The following MTCH1 variants were observed in gnomAD, a reference collection of about 807,000 sequenced individuals.
MTCH1 encodes the protein mitochondrial carrier homolog 1.
MTCH1 carries 23 observed loss-of-function variants against 49.3 expected under a neutral mutation model. That is an observed-to-expected ratio of 0.47 (90% CI 0.34 to 0.66). The LOEUF (loss-of-function observed/expected upper bound fraction) is 0.66. MTCH1 is among the 30% of genes least tolerant of loss of function. The pLI, the probability that MTCH1 is intolerant of heterozygous loss-of-function variation, is 0.01. For synonymous variants in MTCH1, 229 were observed against 215.2 expected, an observed-to-expected ratio of 1.06 and a Z score of -0.56; for missense variants, 397 against 532.1, an observed-to-expected ratio of 0.75 and a Z score of 2.50.
intron 2 of MTCH1, among the ~76,000 whole-genome samples, chr6:36,980,586 G>C (rs535445296): frequency 6.6e-6 from 1 of 152,332 alleles, no homozygotes; most frequent in East Asian, 1.9e-4. Flanking sequence ...GACAAAACTG[G>C]AAGAGAAATA....
chr6:36,977,069 A>C lies in MTCH1; in HGVS notation c.701+130T>G, dbSNP rs1763905172. 1.1e-6 allele frequency: 1 copy of C among 926,996 alleles called. No individual in the cohort carries two copies. Among genetic ancestry groups the C allele is most frequent in the South Asian group, 1.4e-5 (1 of 70,190 alleles). 57.4% of individuals were successfully genotyped at this position (926,996 alleles called of 1,614,324 possible). Reference sequence around the variant, plus strand: ...TGAAGCCACTGCCACATTCCTCAGAAGCCAGGCAGCAGGCTGAACTCACAC... The same window carrying C: ...TGAAGCCACTGCCACATTCCTCAGACGCCAGGCAGCAGGCTGAACTCACAC... On this transcript the variant is annotated intron_variant, in intron 6 of 11. Coordinates refer to ENST00000373627, the MANE Select transcript of MTCH1 (RefSeq NM_001271641.2). The surrounding 1 kb of genome is among the most constrained non-coding windows in gnomAD (Gnocchi z 5.4).
At chr6:36,969,520 G>A (rs961962435) in intron 11 of MTCH1, 8 of 1,105,044 alleles carry the variant, frequency 7.2e-6, no homozygotes, top group East Asian at 7.2e-5. Flanking sequence ...AGGTAGCTTC[G>A]GTACAGAACA....
Position 36,981,651 on chromosome 6 carries a change from G to T in MTCH1, c.343C>A (p.Pro115Thr). 1 of 1,613,622 alleles carries T rather than the reference G, an allele frequency of 6.2e-7. No homozygotes were observed. Among genetic ancestry groups the T allele is most frequent in the Non-Finnish European group, 8.5e-7 (1 of 1,179,756 alleles). Reference sequence around the variant, plus strand: ...CCCAGCACATTGGTCCCAAGGGTGGGGGGCATCGGCTCATGACCCACCTTC... The same window carrying T: ...CCCAGCACATTGGTCCCAAGGGTGGTGGGCATCGGCTCATGACCCACCTTC... ...LIQVGHEPMPPTLGTNVLGRK... is the reference protein window; with the variant it reads ...LIQVGHEPMPTTLGTNVLGRK... Residue 115 changes from proline (P) to threonine (T), a missense_variant, in exon 2 of 12, where the codon CCC becomes ACC. Pro to Thr is a conservative substitution (Grantham distance 38). Transcript: ENST00000373627.
chr6:36,978,281 AG>A, intron 3 of MTCH1, 126 bp from the exon 4 acceptor site: 4 of 930,828 alleles, frequency 4.3e-6, no homozygotes, highest in Non-Finnish European at 6.7e-6. Flanking sequence ...GGCCCACCTC[AG>A]GTAACCTCCA....
chr6:36,983,029 T>G (rs988010857), intron 1 of MTCH1, among the ~76,000 whole-genome samples: 1 of 152,280 alleles, frequency 6.6e-6, no homozygotes, highest in South Asian at 2.1e-4. Flanking sequence ...CAGTGCTTTT[T>G]GGGATCAACC....
chr6:36,976,101 C>T (rs1454634570), intron 6 of MTCH1, among the ~76,000 whole-genome samples: 1 of 152,170 alleles, frequency 6.6e-6, no homozygotes, highest in Non-Finnish European at 1.5e-5. Flanking sequence ...GCAGAGGAGC[C>T]CACAGGCCCG....
chr6:36,986,037 G>C lies in MTCH1; in HGVS notation c.137C>G (p.Ala46Gly). ...AGGGTGGCGAGGATGTGCGCGGTGC[G>C]CGGGCGGTGGATCGCGAGCTCGAGC... ...VEARARDPPPAHRAHPRHPRP... is the reference protein window; with the variant it reads ...VEARARDPPPGHRAHPRHPRP... Residue 46 changes from alanine to glycine, a missense_variant, in exon 1 of 12, where the codon GCG becomes GGG. Around this residue, in one of 2 missense-constraint regions of MTCH1, gnomAD observed 145 missense variants for 143.8 expected, o/e 1.01. Transcript: ENST00000373627. 1 of 1,494,372 alleles carries C rather than the reference G, an allele frequency of 6.7e-7. No homozygotes were observed. Among genetic ancestry groups the C allele is most frequent in the Non-Finnish European group, 8.9e-7 (1 of 1,128,536 alleles). The allele number at this position is 1,494,372 out of a possible 1,614,324, so 92.6% of individuals were successfully genotyped here. A position where few individuals can be genotyped will look rare whatever the true frequency, so the allele number is the denominator to read the frequency against.
rs934850978 is a variant in MTCH1, at chr6:36,983,870, C to G, written c.321+1983G>C. On this transcript the variant is annotated intron_variant, in intron 1 of 11. Transcript: ENST00000373627. Reference sequence around the variant, plus strand: ...AACTATACCCATTGAAGATCTTACCCTAATATATGTTACACTCAACACCAG... The same window carrying G: ...AACTATACCCATTGAAGATCTTACCGTAATATATGTTACACTCAACACCAG... Among the ~76,000 whole-genome samples, 31 of 152,156 alleles carry G rather than the reference C, an allele frequency of 2.0e-4. 1 individual carries two copies. Among genetic ancestry groups the G allele is most frequent in the Admixed American group, 1.3e-4 (2 of 15,284 alleles).
chr6:36,969,371 G>A, intron 11 of MTCH1: 10 of 1,077,760 alleles, frequency 9.3e-6, no homozygotes, highest in Non-Finnish European at 1.1e-5. Context: ...CAGCCTCGAG[G>A]CCACTCAGAG....
Position 36,972,520 on chromosome 6 carries a change from C to T in MTCH1, c.906+132G>A. ...CCGTTCTCCCCTTAGACAAAGATGA[C>T]TCCAGGGATAATGAGAGGTCCTCTC... On this transcript the variant is annotated intron_variant, in intron 8 of 11. Transcript: ENST00000373627. The surrounding 1 kb of genome is among the most constrained non-coding windows in gnomAD (Gnocchi z 4.1). 1 of 1,127,360 alleles carries T rather than the reference C, an allele frequency of 8.9e-7. No individual in the cohort carries two copies. The highest frequency in any genetic ancestry group is 1.2e-6 in the Non-Finnish European group (1 of 815,720). 69.8% of individuals were successfully genotyped at this position (1,127,360 alleles called of 1,614,324 possible).
rs1206771625 is a variant in MTCH1, at chr6:36,985,950, C to T, written c.224G>A (p.Gly75Glu). Residue 75 changes from glycine (G) to glutamate (E), a missense_variant, in exon 1 of 12, where the codon GGG becomes GAG. Gly to Glu is a moderately conservative substitution (Grantham distance 98, BLOSUM62 -2). Around this residue, in one of 2 missense-constraint regions of MTCH1, gnomAD observed 145 missense variants for 143.8 expected, o/e 1.01. Transcript: ENST00000373627. The part of the protein sequence containing the change: ...MDGGSGGLGS[G>E]DNAPTTEALF... ...AGCCTCAGTGGTCGGGGCGTTGTCC[C>T]CAGACCCCAGGCCCCCTGACCCGCC... is the stretch of plus-strand genomic sequence containing the variant. 1 of 1,551,270 alleles carries T rather than the reference C, an allele frequency of 6.4e-7. No individual in the cohort carries two copies. The highest frequency in any genetic ancestry group is 8.7e-7 in the Non-Finnish European group (1 of 1,147,668).
chr6:36,970,683 G>A lies in MTCH1; in HGVS notation c.918C>T (p.Ala306=), dbSNP rs1393149591. 14 of 1,614,140 alleles carry A rather than the reference G, an allele frequency of 8.7e-6. No individual in the cohort carries two copies. Among genetic ancestry groups the A allele is most frequent in the Non-Finnish European group, 1.1e-5 (13 of 1,180,020 alleles). ...DQNPGSQFSQ[A]LAIRSYTKFV... ...ACTTGGTATAGCTCCGGATGGCCAG[G>A]GCCTGGCTGAACTGAGGAGACAGAA... The change falls in exon 9 of 12, where the codon GCC becomes GCT. Residue 306 remains alanine (A), a synonymous_variant. Transcript: ENST00000373627.
At chr6:36,981,441 T>C in intron 2 of MTCH1, 147 bp downstream of exon 2, 1 of 680,526 alleles carries the variant, frequency 1.5e-6, no homozygotes, top group Non-Finnish European at 2.4e-6. Flanking sequence ...CCATGTCCTC[T>C]CTGTACACGC....
At chr6:36,976,742 C>A in intron 6 of MTCH1, 1 of 375,408 alleles carries the variant, frequency 2.7e-6, no homozygotes, top group South Asian at 2.0e-5. Flanking sequence ...CGCAGCAGAT[C>A]TAGGTGAGGG....
In MTCH1 at chr6:36,968,842, A is replaced by G. The variant is rs752328534; in HGVS notation, c.*61T>C. On this transcript the variant is annotated 3_prime_UTR_variant, in exon 12 of 12. Transcript: ENST00000373627. ...GTTGGAGTCGTCTTGCAGGTGTCCC[A>G]AGGTGGTCAGGCCTCACCCACGGTG... is the stretch of plus-strand genomic sequence containing the variant. 2 of 1,611,322 alleles carry G rather than the reference A, an allele frequency of 1.2e-6. No individual in the cohort carries two copies. Among genetic ancestry groups the G allele is most frequent in the Non-Finnish European group, 1.7e-6 (2 of 1,178,048 alleles).
At chr6:36,970,144 G>T in intron 10 of MTCH1, 30 bp from the exon 11 acceptor site, 1 of 1,607,940 alleles carries the variant, frequency 6.2e-7, no homozygotes, top group South Asian at 1.1e-5. Flanking sequence ...TAGATGCAGA[G>T]AACAGTGGAA....
At chr6:36,985,640 G>A (rs369200040) in intron 1 of MTCH1, among the ~76,000 whole-genome samples, 2 of 151,704 alleles carry the variant, frequency 1.3e-5, no homozygotes, top group African/African-American at 2.4e-5. Flanking sequence ...CTAACCCCTT[G>A]GTCTCCTTTC....
upstream of MTCH1, chr6:36,986,334 A>T: frequency 1.7e-6 from 1 of 602,670 alleles, no homozygotes; most frequent in Non-Finnish European, 2.5e-6. Flanking sequence ...GGCCGGTTGG[A>T]GGCCTAGCAG....
intron 6 of MTCH1, among the ~76,000 whole-genome samples, chr6:36,975,941 A>G (rs1763864472): frequency 2.6e-5 from 4 of 152,210 alleles, no homozygotes; most frequent in Admixed American, 2.6e-4. Flanking sequence ...CCAACCACCC[A>G]TGGGAGCAGC....
Sources: allele counts gnomAD v4.1 joint callset (sites outside exome capture counted in the v4.1 genomes callset), GRCh38; gene constraint gnomAD v4.1.1; regional missense constraint gnomAD v4.1.1; non-coding constraint Gnocchi (gnomAD v3.1); transcripts MANE v1.5; gene names NCBI Gene and HGNC (gene_info 2026-07-23, HGNC 2026-07-21).